The following TXNRD2 variants were observed in gnomAD, a reference collection of about 807,000 sequenced individuals.
TXNRD2 encodes the protein thioredoxin reductase 2, mitochondrial.
In TXNRD2, 67 loss-of-function variants were observed where a neutral mutation model predicts 70.8. The observed-to-expected ratio is 0.95, with a 90% CI of 0.78 to 1.16. The LOEUF (loss-of-function observed/expected upper bound fraction) is 1.16, where lower values mean the gene tolerates loss of function less well. Ranked by LOEUF, TXNRD2 falls within the 50% of genes most tolerant of loss-of-function variation. The pLI is 0.00. For missense variants in TXNRD2, 644 were observed against 719.9 expected, an observed-to-expected ratio of 0.89 and a Z score of 1.21; for synonymous variants, 301 against 295.8, an observed-to-expected ratio of 1.02 and a Z score of -0.18.
chr22:19,908,459 G>A (rs1283347009), intron 8 of TXNRD2, among the ~76,000 whole-genome samples: 1 of 152,140 alleles, frequency 6.6e-6, no homozygotes, highest in African/African-American at 2.4e-5. Flanking sequence ...CAGTTTAAAG[G>A]AAAAAATAAA....
At chr22:19,933,488 C>T (rs1941439891) in intron 1 of TXNRD2, 1 of 1,289,546 alleles carries the variant, frequency 7.8e-7, no homozygotes, top group Non-Finnish European at 1.0e-6. Flanking sequence ...CTTGTTAGGT[C>T]ATCCTGCCCT....
chr22:19,923,481 C>G (rs1940993732), intron 2 of TXNRD2, among the ~76,000 whole-genome samples: 1 of 152,176 alleles, frequency 6.6e-6, no homozygotes, highest in Admixed American at 6.5e-5. Flanking sequence ...CATCAAACAT[C>G]TGACTTATAG....
At chr22:19,879,493 G>A (rs888339018) in intron 14 of TXNRD2, among the ~76,000 whole-genome samples, 4 of 151,070 alleles carry the variant, frequency 2.6e-5, no homozygotes, top group African/African-American at 4.9e-5. Context: ...TTCCTCAAGG[G>A]TGAGTGCCTG....
In TXNRD2 at chr22:19,931,029, C is replaced by A. The variant is rs1355018197; in HGVS notation, c.172+1G>T. Reference sequence around the variant, plus strand: ...TGCCACGAAGTATACAGAATACATACCCTCCTTGGCACAAGCCAGGCCACC... The same window carrying A: ...TGCCACGAAGTATACAGAATACATAACCTCCTTGGCACAAGCCAGGCCACC... On this transcript the variant is annotated splice_donor_variant, in intron 2 of 17. Coordinates refer to ENST00000400521, the MANE Select transcript of TXNRD2 (RefSeq NM_006440.5). LOFTEE classifies it high-confidence loss of function. 1.2e-6 allele frequency: 2 copies of A among 1,613,514 alleles called. No individual in the cohort carries two copies. Among genetic ancestry groups the A allele is most frequent in the Non-Finnish European group, 1.7e-6 (2 of 1,179,896 alleles).
At chr22:19,932,232 C>A in intron 1 of TXNRD2, 1 of 1,562,140 alleles carries the variant, frequency 6.4e-7, no homozygotes, top group Non-Finnish European at 8.8e-7. Context: ...GTGCACACAG[C>A]CAGGGTCTTG....
intron 11 of TXNRD2, among the ~76,000 whole-genome samples, chr22:19,893,413 G>A (rs917018610): frequency 6.6e-6 from 1 of 152,246 alleles, no homozygotes; most frequent in Admixed American, 6.5e-5. Context: ...AGGTGGGTAG[G>A]ACATCTGAGC....
Position 19,877,228 on chromosome 22 carries a change from C to T in TXNRD2, c.1452G>A (p.Gly484=), listed in dbSNP as rs1938549164. 1 of 1,609,874 alleles carries T rather than the reference C, an allele frequency of 6.2e-7. No homozygotes were observed. The highest frequency in any genetic ancestry group is 8.5e-7 in the Non-Finnish European group (1 of 1,177,484). Reference sequence around the variant, plus strand: ...TCCGCATCACCTGCGCATAGGAAGCCCCACACCTGCACATGGGGGATGGGG... The same window carrying T: ...TCCGCATCACCTGCGCATAGGAAGCTCCACACCTGCACATGGGGGATGGGG... ...TQGFALGIKC[G]ASYAQVMRTV... The change falls in exon 17 of 18, where the codon GGG becomes GGA. Residue 484 remains glycine, a synonymous_variant. Coordinates refer to ENST00000400521, the MANE Select transcript of TXNRD2 (RefSeq NM_006440.5).
intron 8 of TXNRD2, among the ~76,000 whole-genome samples, chr22:19,901,739 C>A (rs1404069170): frequency 1.3e-5 from 2 of 152,152 alleles, no homozygotes; most frequent in Non-Finnish European, 2.9e-5. Context: ...CTTCTTCAGG[C>A]CATTCACGGC....
At chr22:19,909,871 C>CACCCACACACACAACCACACACACCCT (rs1569093860) in intron 8 of TXNRD2, among the ~76,000 whole-genome samples, 3 of 55,648 alleles carry the variant, frequency 5.4e-5, no homozygotes, top group African/African-American at 1.0e-4. Flanking sequence ...ACACACACAC[C>CACCCACACACACAACCACACACACCCT]ACTCACACAC....
At chr22:19,910,007 C>G (rs1284644782) in intron 8 of TXNRD2, among the ~76,000 whole-genome samples, 1 of 151,910 alleles carries the variant, frequency 6.6e-6, no homozygotes, top group African/African-American at 2.4e-5. Flanking sequence ...CCACACACAT[C>G]TGCACGCACA....
rs968934418 is a variant in TXNRD2 at position 19,901,988 on chromosome 22, C to T, written c.663-2920G>A. On this transcript the variant is annotated intron_variant, in intron 8 of 17. Coordinates refer to ENST00000400521, the MANE Select transcript of TXNRD2 (RefSeq NM_006440.5). ...CCAAGGTGGACAGACTGCTTGAGCC[C>T]GGGAGTTCAAGACCAGCCTGAGCAA... Among the ~76,000 whole-genome samples the T allele has an allele frequency of 3.3e-5, 5 of 152,134 alleles. 1 individual carries two copies. Among genetic ancestry groups the T allele is most frequent in the Admixed American group, 1.3e-4 (2 of 15,274 alleles).
chr22:19,934,890 T>C (rs1376297282), intron 1 of TXNRD2, among the ~76,000 whole-genome samples: 1 of 152,214 alleles, frequency 6.6e-6, no homozygotes, highest in Non-Finnish European at 1.5e-5. Context: ...TAATTTCTTA[T>C]GCCTGTCTTT....
intron 1 of TXNRD2, chr22:19,937,863 CA>C (rs1370426345): frequency 6.6e-6 from 1 of 152,232 alleles, no homozygotes; most frequent in Non-Finnish European, 1.5e-5. Flanking sequence ...ACCAGGGAAA[CA>C]GGAAGCAAGG....
intron 1 of TXNRD2, chr22:19,932,703 C>T: frequency 1.5e-6 from 1 of 687,720 alleles, no homozygotes; most frequent in Non-Finnish European, 2.1e-6. Flanking sequence ...CCTCTGCAGA[C>T]ACGAGCCTGC....
Position 19,885,798 on chromosome 22 carries a change from A to G in TXNRD2, c.950-2337T>C, listed in dbSNP as rs117654301. Reference sequence around the variant, plus strand: ...TCCTGGGAAGCCAAGAGCACTCATCATGTTCCTCATGGTAACTATGGCACT... The same window carrying G: ...TCCTGGGAAGCCAAGAGCACTCATCGTGTTCCTCATGGTAACTATGGCACT... On this transcript the variant is annotated intron_variant, in intron 11 of 17. Coordinates refer to ENST00000400521, the MANE Select transcript of TXNRD2 (RefSeq NM_006440.5). Among the ~76,000 whole-genome samples the G allele has an allele frequency of 1.2e-3, 177 of 152,330 alleles. 2 individuals carry two copies. The East Asian group carries it at 0.03, about 26-fold the overall frequency.
chr22:19,882,296 T>C (rs1323139701), intron 12 of TXNRD2, among the ~76,000 whole-genome samples: 1 of 152,154 alleles, frequency 6.6e-6, no homozygotes, highest in Non-Finnish European at 1.5e-5. Context: ...CCTCCCGAGT[T>C]CAAATGATTC....
chr22:19,881,692 GCA>G lies in TXNRD2; in HGVS notation c.1087-977_1087-976del, dbSNP rs575703016. On this transcript the variant is annotated intron_variant, in intron 12 of 17. Transcript: ENST00000400521. ...AGACAGAAGGGAGGCTTCCCGCTGT[GCA>G]CAGAGATGCACATGGCACTGTCTCA... is the stretch of plus-strand genomic sequence containing the variant. Among the ~76,000 whole-genome samples the G allele has an allele frequency of 4.0e-3, 607 of 152,354 alleles. 4 individuals carry two copies. The highest frequency in any genetic ancestry group is 6.5e-3 in the Non-Finnish European group (444 of 68,036).
intron 7 of TXNRD2, among the ~76,000 whole-genome samples, chr22:19,913,046 G>A (rs1008883633): frequency 5.9e-5 from 9 of 152,256 alleles, no homozygotes; most frequent in East Asian, 5.8e-4. Context: ...TGGGAGACCC[G>A]TGGGGACTGG....
intron 12 of TXNRD2, among the ~76,000 whole-genome samples, chr22:19,882,195 C>T (rs758061352): frequency 4.6e-5 from 7 of 152,094 alleles, no homozygotes; most frequent in Non-Finnish European, 1.0e-4. Context: ...GAGCCTGGCC[C>T]AGCTGACACT....
Sources: allele counts gnomAD v4.1 joint callset (sites outside exome capture counted in the v4.1 genomes callset), GRCh38; gene constraint gnomAD v4.1.1; transcripts MANE v1.5; gene names NCBI Gene and HGNC (gene_info 2026-07-23, HGNC 2026-07-21).